Variants in UBE2E1 observed in about 807,000 individuals in gnomAD.
The protein encoded by UBE2E1 is ubiquitin conjugating enzyme E2 E1.
UBE2E1 carries 6 observed loss-of-function variants against 21.4 expected under a neutral mutation model. The ratio of observed to expected loss-of-function variants is 0.28; its 90% CI spans 0.15 to 0.55. The LOEUF is 0.55. Ranked by LOEUF, UBE2E1 falls within the 20% of genes least tolerant of loss-of-function variation. UBE2E1 has a pLI of 0.93. For missense variants in UBE2E1, 142 were observed against 236.5 expected (o/e 0.60, Z 2.62); for synonymous variants, 87 against 82.7 (o/e 1.05, Z -0.28).
chr3:23,887,179 A>C lies in UBE2E1; in HGVS notation c.204-388A>C, dbSNP rs1402873868. ...TCAGAAAATGAAACTTCTGTGCTTAAAATGGTCATAAGTGATGTAGCTGTG... is the reference window on the plus strand; with the variant it reads ...TCAGAAAATGAAACTTCTGTGCTTACAATGGTCATAAGTGATGTAGCTGTG... On this transcript the variant is annotated intron_variant, in intron 3 of 5. Coordinates refer to ENST00000306627, the MANE Select transcript of UBE2E1 (RefSeq NM_003341.5). This position sits in a 1 kb window ranked among gnomAD's most constrained non-coding sequence, Gnocchi z 4.4. Among the ~76,000 whole-genome samples the C allele has an allele frequency of 1.3e-5, 2 of 152,228 alleles. No individual in the cohort carries two copies. Among genetic ancestry groups the C allele is most frequent in the Non-Finnish European group, 2.9e-5 (2 of 68,044 alleles).
rs1379022778 is a variant in UBE2E1, at chr3:23,806,450, G to A, written c.-34+362G>A. The stretch of plus-strand genomic sequence containing the variant: ...GTTTTCCCCAGGGGCGGGGGTTCGC[G>A]GGGATTAACCCCTCCGGGGCGGAAG... On this transcript the variant is annotated intron_variant, in intron 1 of 5. Coordinates refer to ENST00000306627, the MANE Select transcript of UBE2E1 (RefSeq NM_003341.5). The surrounding 1 kb of genome is among the most constrained non-coding windows in gnomAD (Gnocchi z 6.5). Among the ~76,000 whole-genome samples, 1 of 151,822 alleles carries A rather than the reference G, an allele frequency of 6.6e-6. No individual in the cohort carries two copies. The highest frequency in any genetic ancestry group is 1.5e-5 in the Non-Finnish European group (1 of 67,858).
At chr3:23,862,054 C>G (rs1009043854) in intron 3 of UBE2E1, among the ~76,000 whole-genome samples, 1 of 152,260 alleles carries the variant, frequency 6.6e-6, no homozygotes, top group Admixed American at 6.5e-5. Context: ...CCCCTAGACA[C>G]TGCCGTGGGG....
In UBE2E1 at chr3:23,890,657, C is replaced by T. The variant is rs746285024; in HGVS notation, c.*51C>T. 3 of 1,339,760 alleles carry T rather than the reference C, an allele frequency of 2.2e-6. No homozygotes were observed. Among genetic ancestry groups the T allele is most frequent in the East Asian group, 5.1e-5 (2 of 39,512 alleles). 83.0% of individuals were successfully genotyped at this position (1,339,760 alleles called of 1,614,324 possible). On this transcript the variant is annotated 3_prime_UTR_variant, in exon 6 of 6. Transcript: ENST00000306627. The stretch of plus-strand genomic sequence containing the variant: ...ATTTGTCTGTCACAGAAGAGAGCTG[C>T]TTATGATTTTGAAGGGGTCAGGGAG...
chr3:23,818,500 A>C (rs1194646483), intron 3 of UBE2E1, among the ~76,000 whole-genome samples: 1 of 152,190 alleles, frequency 6.6e-6, no homozygotes, highest in Non-Finnish European at 1.5e-5. Flanking sequence ...TCACAGCTAC[A>C]GGAGATGTTA....
chr3:23,878,900 C>A, intron 3 of UBE2E1: 1 of 347,038 alleles, frequency 2.9e-6, no homozygotes, highest in South Asian at 2.4e-5. Flanking sequence ...TGAATCATCC[C>A]AAACCATCCC....
In UBE2E1 at chr3:23,887,030, C is replaced by T. The variant is rs2125330673; in HGVS notation, c.204-537C>T. ...GAAATGAAAATTGAATAACCTGTAACTGGATACTTACCATTCTCCTCCCAC... is the reference window on the plus strand; with the variant it reads ...GAAATGAAAATTGAATAACCTGTAATTGGATACTTACCATTCTCCTCCCAC... On this transcript the variant is annotated intron_variant, in intron 3 of 5. Coordinates refer to ENST00000306627, the MANE Select transcript of UBE2E1 (RefSeq NM_003341.5). The surrounding 1 kb of genome is among the most constrained non-coding windows in gnomAD (Gnocchi z 4.4). Among the ~76,000 whole-genome samples, 1 of 152,278 alleles carries T rather than the reference C, an allele frequency of 6.6e-6. No individual in the cohort carries two copies. The highest frequency in any genetic ancestry group is 6.5e-5 in the Admixed American group (1 of 15,290).
intron 3 of UBE2E1, among the ~76,000 whole-genome samples, chr3:23,843,517 T>C (rs1187176405): frequency 6.6e-6 from 1 of 152,220 alleles, no homozygotes; most frequent in Non-Finnish European, 1.5e-5. Flanking sequence ...ATTAAGTATT[T>C]AGCTTATGTT....
intron 3 of UBE2E1, among the ~76,000 whole-genome samples, chr3:23,858,476 C>T (rs565461497): frequency 2.0e-5 from 3 of 152,106 alleles, no homozygotes; most frequent in East Asian, 1.9e-4. Context: ...TGCACCACCA[C>T]GCCCAGCTGA....
chr3:23,867,680 A>G (rs571097067), intron 3 of UBE2E1, among the ~76,000 whole-genome samples: 23 of 152,138 alleles, frequency 1.5e-4, no homozygotes, highest in Non-Finnish European at 3.1e-4. Context: ...TTTCATTTAT[A>G]CTGGTGCAGG....
rs1701398188 is a variant in UBE2E1, at chr3:23,890,789, G to A, written c.*183G>A. The A allele has an allele frequency of 2.1e-6, 1 of 473,812 alleles. No homozygotes were observed. Among genetic ancestry groups the A allele is most frequent in the East Asian group, 3.5e-5 (1 of 28,406 alleles). 29.4% of individuals were successfully genotyped at this position (473,812 alleles called of 1,614,324 possible). ...GTATCTTGCTACAGTAGACAGAATT[G>A]GTAATAGCAACTTTTAAAATTGTCA... On this transcript the variant is annotated 3_prime_UTR_variant, in exon 6 of 6. Coordinates refer to ENST00000306627, the MANE Select transcript of UBE2E1 (RefSeq NM_003341.5).
At position 23,810,562 on chromosome 3, in the gene UBE2E1, G is replaced by T. The variant is rs768904377; in HGVS notation, c.153-898G>T. 2.9e-5 allele frequency: 44 copies of T among 1,522,676 alleles called. No individual in the cohort carries two copies. Among genetic ancestry groups the T allele is most frequent in the Non-Finnish European group, 3.6e-5 (41 of 1,138,122 alleles). The allele number at this position is 1,522,676 out of a possible 1,614,324, so 94.3% of individuals were successfully genotyped here. On this transcript the variant is annotated intron_variant, in intron 2 of 5. Coordinates refer to ENST00000306627, the MANE Select transcript of UBE2E1 (RefSeq NM_003341.5). This position sits in a 1 kb window ranked among gnomAD's most constrained non-coding sequence, Gnocchi z 5.8. ...AGGTGGGCCGAGAGTCCCGGCCAGCGTGCGGGGCGGAGGCAGGGTCCGGTG... is the reference window on the plus strand; with the variant it reads ...AGGTGGGCCGAGAGTCCCGGCCAGCTTGCGGGGCGGAGGCAGGGTCCGGTG...
Position 23,845,585 on chromosome 3 carries a change from C to CTGTGTGTGTGTGTGTGTGTGTG in UBE2E1, c.203+34076_203+34077insGTGTGTGTGTGTGTGTGTGTGT, listed in dbSNP as rs71620797. On this transcript the variant is annotated intron_variant, in intron 3 of 5. Transcript: ENST00000306627. ...TTTCTCTCTCTCTCTCTCTCTCTCT[C>CTGTGTGTGTGTGTGTGTGTGTG]TCTCTGTGTGTGTGTGTGTGTGTGT... Among the ~76,000 whole-genome samples, 374 of 97,890 alleles carry CTGTGTGTGTGTGTGTGTGTGTG rather than the reference C, an allele frequency of 3.8e-3. 3 individuals are homozygous for CTGTGTGTGTGTGTGTGTGTGTG. The highest frequency in any genetic ancestry group is 7.5e-3 in the African/African-American group (185 of 24,602). The allele number at this position is 97,890 out of a possible 152,430, so 64.2% of individuals were successfully genotyped here.
intron 3 of UBE2E1, among the ~76,000 whole-genome samples, chr3:23,848,720 A>T (rs1700261728): frequency 6.6e-6 from 1 of 152,244 alleles, no homozygotes; most frequent in African/African-American, 2.4e-5. Context: ...ATAGAAGAAT[A>T]TAGAGAGATT....
intron 3 of UBE2E1, among the ~76,000 whole-genome samples, chr3:23,880,257 C>A (rs1701008334): frequency 6.6e-6 from 1 of 152,154 alleles, no homozygotes; most frequent in African/African-American, 2.4e-5. Context: ...GTGGCGGATG[C>A]CTGTAATCCC....
intron 3 of UBE2E1, among the ~76,000 whole-genome samples, chr3:23,851,875 C>T (rs768949291): frequency 6.6e-6 from 1 of 152,182 alleles, no homozygotes; most frequent in South Asian, 2.1e-4. Flanking sequence ...ATGTGATCCC[C>T]AGCATTGGAG....
intron 3 of UBE2E1, among the ~76,000 whole-genome samples, chr3:23,849,089 G>T (rs1229160240): frequency 6.6e-6 from 1 of 152,180 alleles, no homozygotes. Context: ...TCATGTGCAA[G>T]TTTTTGCATG....
chr3:23,887,583 G>A lies in UBE2E1; in HGVS notation c.220G>A (p.Asp74Asn), dbSNP rs749149355. The change falls in exon 4 of 6, where the codon GAT (aspartate) becomes AAT (asparagine). Residue 74 changes from aspartate to asparagine, a missense_variant. Around this residue, in one of 2 missense-constraint regions of UBE2E1, gnomAD observed 87 missense variants for 184.9 expected, o/e 0.47. Transcript: ENST00000306627. The surrounding 1 kb of genome is among the most constrained non-coding windows in gnomAD (Gnocchi z 4.4). ...PPNCSAGPKG[D>N]NIYEWRSTIL... ...TATTCACAGTGCTGGTCCCAAAGGC[G>A]ATAACATCTATGAATGGAGATCAAC... 6.2e-6 allele frequency: 10 copies of A among 1,611,218 alleles called. No homozygotes were observed. Among genetic ancestry groups the A allele is most frequent in the African/African-American group, 1.3e-5 (1 of 74,732 alleles).
chr3:23,867,902 A>T (rs73825124), intron 3 of UBE2E1, among the ~76,000 whole-genome samples: 43 of 152,228 alleles, frequency 2.8e-4, no homozygotes, highest in African/African-American at 1.0e-3. Flanking sequence ...CTGTCCTTCA[A>T]TGTGACCACA....
In UBE2E1 at chr3:23,861,046, C is replaced by T. The variant is rs539063487; in HGVS notation, c.204-26521C>T. ...TGCTTGGGATGTCTATTTAACAATA[C>T]CGCAGGGAGACTGCACAGGCCAGAA... On this transcript the variant is annotated intron_variant, in intron 3 of 5. Coordinates refer to ENST00000306627, the MANE Select transcript of UBE2E1 (RefSeq NM_003341.5). Among the ~76,000 whole-genome samples, 12 of 152,324 alleles carry T rather than the reference C, an allele frequency of 7.9e-5. No homozygotes were observed. In the South Asian group the frequency reaches 8.3e-4, roughly 11 times the overall value.
Sources: gnomAD v4.1 joint callset for allele counts (sites outside exome capture counted in the v4.1 genomes callset) on GRCh38, gnomAD v4.1.1 for gene constraint, gnomAD v4.1.1 regional missense constraint, Gnocchi (gnomAD v3.1) non-coding constraint, MANE v1.5 for transcripts, NCBI Gene and HGNC (gene_info 2026-07-23, HGNC 2026-07-21) for gene names.